ANKRD28: variants seen among roughly 807,000 people sequenced by gnomAD.
ANKRD28 encodes ankyrin repeat domain 28.
A neutral mutation model predicts 126.5 loss-of-function variants in ANKRD28; 44 were observed. The ratio of observed to expected loss-of-function variants is 0.35; its 90% CI spans 0.27 to 0.45. The LOEUF (loss-of-function observed/expected upper bound fraction) is 0.45, where lower values mean the gene tolerates loss of function less well. Ranked by LOEUF, ANKRD28 falls within the 20% of genes least tolerant of loss-of-function variation. The probability of loss-of-function intolerance (pLI) is 1.00; values close to 1 mark genes in which losing one functional copy is unlikely to be tolerated. For missense variants in ANKRD28, 1,110 were observed against 1,316.6 expected, an observed-to-expected ratio of 0.84 and a Z score of 2.43; for synonymous variants, 442 against 468.5, an observed-to-expected ratio of 0.94 and a Z score of 0.73.
In ANKRD28 at chr3:15,714,544, A is replaced by C. The variant is rs371240043; in HGVS notation, c.1075+34T>G. The C allele has an allele frequency of 1.1e-5, 17 of 1,496,708 alleles. 1 individual carries two copies. In the African/African-American group the frequency reaches 2.0e-4, roughly 18 times the overall value. 92.7% of individuals were successfully genotyped at this position (1,496,708 alleles called of 1,614,324 possible). A position where few individuals can be genotyped will look rare whatever the true frequency, so the allele number is the denominator to read the frequency against. On this transcript the variant is annotated intron_variant, in intron 9 of 27. Transcript: ENST00000683139. ...TTACTACATTTAAGAAAAAAAAAAA[A>C]AAACCCCAAAAAAAAAACAGAAATA...
chr3:15,847,457 T>A (rs2061553238), intron 1 of ANKRD28, among the ~76,000 whole-genome samples: 1 of 152,228 alleles, frequency 6.6e-6, no homozygotes, highest in African/African-American at 2.4e-5. Context: ...TTCACTTTAA[T>A]TATCACCTAA....
intron 1 of ANKRD28, among the ~76,000 whole-genome samples, chr3:15,829,486 C>A (rs2061143244): frequency 6.6e-6 from 1 of 152,050 alleles, no homozygotes. Flanking sequence ...TATGAATGAG[C>A]TTTTAGTACT....
chr3:15,702,689 G>C (rs566808309), intron 14 of ANKRD28, among the ~76,000 whole-genome samples: 1 of 152,168 alleles, frequency 6.6e-6, no homozygotes, highest in East Asian at 1.9e-4. Context: ...TCAAATTCAT[G>C]TGTCCCATGG....
At chr3:15,757,601 A>G (rs1342610795) in intron 3 of ANKRD28, among the ~76,000 whole-genome samples, 1 of 152,130 alleles carries the variant, frequency 6.6e-6, no homozygotes, top group African/African-American at 2.4e-5. Context: ...GCCCTTGTAA[A>G]AGTGGCCCAA....
chr3:15,724,717 G>A (rs372113413), intron 6 of ANKRD28, among the ~76,000 whole-genome samples, 193 bp from the exon 7 acceptor site: 55 of 152,286 alleles, frequency 3.6e-4, no homozygotes, highest in African/African-American at 1.3e-3. Flanking sequence ...AATGGCTCAT[G>A]CCTATAATCT....
At chr3:15,675,796 T>C in intron 27 of ANKRD28, 102 bp downstream of exon 27, 1 of 997,834 alleles carries the variant, frequency 1.0e-6, no homozygotes, top group South Asian at 2.1e-5. Flanking sequence ...ACTTTAGCTC[T>C]CCTCTTTGAC....
intron 4 of ANKRD28, 77 bp from the exon 5 acceptor site, chr3:15,737,310 G>A (rs1192421872): frequency 8.0e-7 from 1 of 1,247,320 alleles, no homozygotes; most frequent in African/African-American, 1.5e-5. Context: ...GTGTGCGTGT[G>A]TGTGTATAAA....
rs1298839610 is a variant in ANKRD28, at chr3:15,711,841, C to T, written c.1273+299G>A. Among the ~76,000 whole-genome samples the T allele has an allele frequency of 2.0e-5, 3 of 148,556 alleles. No homozygotes were observed. The Admixed American group carries it at 2.1e-4, about 10-fold the overall frequency. ...AGCTGGGATTACAGGTGCTCACCACCACGCCCAGCTAATTTTTTTTTGTAT... is the reference window on the plus strand; with the variant it reads ...AGCTGGGATTACAGGTGCTCACCACTACGCCCAGCTAATTTTTTTTTGTAT... On this transcript the variant is annotated intron_variant, in intron 11 of 27. Transcript: ENST00000683139.
intron 2 of ANKRD28, among the ~76,000 whole-genome samples, chr3:15,790,480 G>A (rs2059976756): frequency 6.6e-6 from 1 of 151,658 alleles, no homozygotes; most frequent in Non-Finnish European, 1.5e-5. Flanking sequence ...ATGCAAGGAT[G>A]GTTCAAAACA....
rs950780937 is a variant in ANKRD28 at position 15,853,465 on chromosome 3, G to GT, written c.27+5911dup. Among the ~76,000 whole-genome samples, 5 of 151,124 alleles carry GT rather than the reference G, an allele frequency of 3.3e-5. No individual in the cohort carries two copies. Among genetic ancestry groups the GT allele is most frequent in the African/African-American group, 9.8e-5 (4 of 40,940 alleles). ...TAACTACCATAATCAATGTTTTATG[G>GT]TTTTTTTTGTTTTTTTGTTTTTGAG... On this transcript the variant is annotated intron_variant, in intron 1 of 27. Coordinates refer to the ANKRD28 transcript ENST00000399451. This position sits in a 1 kb window ranked among gnomAD's most constrained non-coding sequence, Gnocchi z 4.2.
At chr3:15,834,945 C>T (rs1175676849) in intron 1 of ANKRD28, among the ~76,000 whole-genome samples, 3 of 152,064 alleles carry the variant, frequency 2.0e-5, no homozygotes, top group East Asian at 1.9e-4. Flanking sequence ...GCCAGAAGTC[C>T]GAGACTAGCC....
In ANKRD28 at chr3:15,796,773, G is replaced by A; in HGVS notation, c.-252C>T. On this transcript the variant is annotated 5_prime_UTR_variant, in exon 1 of 28. Transcript: ENST00000683139. ...GTTGGATTACTGCAATACTTAAGAA[G>A]AAATTTCACACCAACATGTCAATAA... The A allele has an allele frequency of 1.0e-6, 1 of 988,708 alleles. No homozygotes were observed. Among genetic ancestry groups the A allele is most frequent in the Non-Finnish European group, 1.2e-6 (1 of 831,848 alleles). The allele number at this position is 988,708 out of a possible 1,614,324, so 61.2% of individuals were successfully genotyped here. A position where few individuals can be genotyped will look rare whatever the true frequency, so the allele number is the denominator to read the frequency against.
intron 2 of ANKRD28, among the ~76,000 whole-genome samples, chr3:15,769,117 C>A (rs146603410): frequency 7.9e-4 from 120 of 152,224 alleles, no homozygotes; most frequent in African/African-American, 2.8e-3. Context: ...ATCTATTGCA[C>A]CAGATAAACC....
At chr3:15,738,497 T>A (rs1409888153) in intron 4 of ANKRD28, 1 of 152,236 alleles carries the variant, frequency 6.6e-6, no homozygotes, top group Admixed American at 6.5e-5. Context: ...ATTGATAACA[T>A]CTTATCAGGA....
chr3:15,725,804 G>C (rs2074113304), intron 6 of ANKRD28, among the ~76,000 whole-genome samples: 1 of 152,168 alleles, frequency 6.6e-6, no homozygotes, highest in Non-Finnish European at 1.5e-5. Context: ...AACAATTTGT[G>C]AGGCTGAGGC....
chr3:15,671,357 A>C (rs1297445115), intron 27 of ANKRD28, among the ~76,000 whole-genome samples: 1 of 152,198 alleles, frequency 6.6e-6, no homozygotes. Flanking sequence ...TGTGATGCCA[A>C]GCTTCAATTA....
At chr3:15,779,284 G>T (rs9818077) in intron 2 of ANKRD28, among the ~76,000 whole-genome samples, 6,207 of 152,144 alleles carry the variant, frequency 0.041, 412 homozygotes, top group African/African-American at 0.14. Context: ...TAAAAAGCAG[G>T]GAGAAGAAAT....
intron 14 of ANKRD28, among the ~76,000 whole-genome samples, chr3:15,698,785 GA>G (rs1236596865): frequency 6.6e-6 from 1 of 152,144 alleles, no homozygotes; most frequent in Non-Finnish European, 1.5e-5. Flanking sequence ...TGGACAGGAA[GA>G]ATCAATATTG....
intron 2 of ANKRD28, among the ~76,000 whole-genome samples, chr3:15,793,529 C>T (rs1575704112): frequency 6.6e-6 from 1 of 151,874 alleles, no homozygotes; most frequent in Non-Finnish European, 1.5e-5. Flanking sequence ...ATGTCAGCTA[C>T]AATAAACTTT....
Sources: allele counts gnomAD v4.1 joint callset (sites outside exome capture counted in the v4.1 genomes callset), GRCh38; gene constraint gnomAD v4.1.1; non-coding constraint Gnocchi (gnomAD v3.1); transcripts MANE v1.5; gene names NCBI Gene and HGNC (gene_info 2026-07-23, HGNC 2026-07-21).